The following ICA1 variants were observed in gnomAD, a reference collection of about 807,000 sequenced individuals.
ICA1 encodes 69 kDa islet cell autoantigen.
A neutral mutation model predicts 71.0 loss-of-function variants in ICA1; 40 were observed. The observed-to-expected ratio is 0.56, with a 90% CI of 0.44 to 0.73. ICA1 has a LOEUF of 0.73. Ranked by LOEUF, ICA1 falls within the 30% of genes least tolerant of loss-of-function variation. ICA1 has a pLI of 0.00. For synonymous variants in ICA1, 207 were observed against 209.5 expected (o/e 0.99, Z 0.10); for missense variants, 578 against 576.5 (o/e 1.00, Z -0.03).
chr7:8,153,071 T>G (rs1227780586), intron 8 of ICA1, among the ~76,000 whole-genome samples: 2 of 152,118 alleles, frequency 1.3e-5, no homozygotes, highest in African/African-American at 4.8e-5. Context: ...ACACAAACAC[T>G]GCTACCACTT....
intron 6 of ICA1, among the ~76,000 whole-genome samples, chr7:8,190,114 CCTGT>C (rs760548328): frequency 1.3e-5 from 2 of 152,190 alleles, no homozygotes; most frequent in Non-Finnish European, 2.9e-5. Context: ...CCATGAAGTG[CCTGT>C]CTGACATTCA....
intron 5 of ICA1, chr7:8,218,817 G>A: frequency 4.9e-6 from 2 of 408,282 alleles, no homozygotes; most frequent in Non-Finnish European, 9.3e-6. Context: ...CCAATCCCGT[G>A]TTCATGGAGG....
chr7:8,205,824 A>C (rs1791324717), intron 6 of ICA1, among the ~76,000 whole-genome samples: 1 of 151,372 alleles, frequency 6.6e-6, no homozygotes, highest in Non-Finnish European at 1.5e-5. Flanking sequence ...AAACAGCATG[A>C]ATAAGAAATA....
At chr7:8,209,304 G>C (rs1283757914) in intron 6 of ICA1, among the ~76,000 whole-genome samples, 1 of 152,038 alleles carries the variant, frequency 6.6e-6, no homozygotes, top group Non-Finnish European at 1.5e-5. Flanking sequence ...CAACATATTA[G>C]CATTTATAGT....
chr7:8,155,355 A>T (rs1419741114), intron 8 of ICA1, among the ~76,000 whole-genome samples: 1 of 152,244 alleles, frequency 6.6e-6, no homozygotes, highest in African/African-American at 2.4e-5. Flanking sequence ...TTCTCTGCCC[A>T]GAAATGCTCT....
chr7:8,235,977 A>T lies in ICA1; in HGVS notation c.-51T>A. On this transcript the variant is annotated 5_prime_UTR_variant, in exon 2 of 14. Coordinates refer to ENST00000402384, the MANE Select transcript of ICA1 (RefSeq NM_001136020.3). ...GATTTGGGGAGAAGGGGCAGGAAAA[A>T]AGCATGAGAGGATAAGTTATATTAT... 1 of 1,580,072 alleles carries T rather than the reference A, an allele frequency of 6.3e-7. No homozygotes were observed. The highest frequency in any genetic ancestry group is 8.7e-7 in the Non-Finnish European group (1 of 1,150,808).
chr7:8,158,771 T>C (rs1452024529), intron 6 of ICA1, 119 bp from the exon 7 acceptor site: 2 of 1,021,078 alleles, frequency 2.0e-6, no homozygotes, highest in Non-Finnish European at 2.9e-6. Flanking sequence ...CTTTTGAAAA[T>C]TCCAGACAAA....
chr7:8,235,879 C>T (rs994596779), intron 2 of ICA1, 31 bp downstream of exon 2: 3 of 1,606,470 alleles, frequency 1.9e-6, no homozygotes, highest in Non-Finnish European at 8.5e-7. Context: ...TTTCTACTTT[C>T]CCAATTCAGA....
chr7:8,158,604 T>A lies in ICA1; in HGVS notation c.628A>T (p.Met210Leu), dbSNP rs745618958. The A allele has an allele frequency of 8.1e-6, 13 of 1,614,130 alleles. No individual in the cohort carries two copies. The Admixed American group carries it at 2.0e-4, about 25-fold the overall frequency. The part of the protein sequence containing the change: ...LAKKNFDKLK[M>L]DVCQKVDLLG... The stretch of plus-strand genomic sequence containing the variant: ...AGATCCACTTTTTGACAAACATCCA[T>A]CTTCAATTTGTCAAAGTTTTTTTTT... The change falls in exon 7 of 14, where the codon ATG becomes TTG. Residue 210 changes from methionine (M) to leucine (L), a missense_variant. By Grantham distance (15) the Met-to-Leu change is conservative. Transcript: ENST00000402384.
chr7:8,239,578 C>T (rs754842300), intron 1 of ICA1, among the ~76,000 whole-genome samples: 5 of 152,148 alleles, frequency 3.3e-5, no homozygotes, highest in Non-Finnish European at 5.9e-5. Flanking sequence ...GAGGGTGAGC[C>T]GAAACAGGGC....
intron 6 of ICA1, among the ~76,000 whole-genome samples, chr7:8,172,479 T>C (rs954274310): frequency 6.6e-6 from 1 of 152,174 alleles, no homozygotes; most frequent in Non-Finnish European, 1.5e-5. Context: ...ATTTAAGGTG[T>C]GTGCTATGGA....
At chr7:8,135,093 C>T (rs1792933779) in intron 12 of ICA1, among the ~76,000 whole-genome samples, 1 of 151,990 alleles carries the variant, frequency 6.6e-6, no homozygotes, top group South Asian at 2.1e-4. Flanking sequence ...GTGGTGCAAT[C>T]TCGGTTCACT....
chr7:8,227,862 A>G (rs1583488831), intron 4 of ICA1: 1 of 453,232 alleles, frequency 2.2e-6, no homozygotes, highest in Non-Finnish European at 4.5e-6. Context: ...CTGGGATTAC[A>G]GATGTCAGAC....
At chr7:8,158,212 G>A (rs1802416923) in intron 7 of ICA1, 1 of 277,480 alleles carries the variant, frequency 3.6e-6, no homozygotes, top group Non-Finnish European at 6.8e-6. Context: ...ACTGAAAAAG[G>A]CGTGACATTC....
intron 12 of ICA1, among the ~76,000 whole-genome samples, chr7:8,131,673 G>A (rs749021328): frequency 3.3e-5 from 5 of 152,162 alleles, no homozygotes; most frequent in Non-Finnish European, 7.3e-5. Context: ...TAATTAAGAT[G>A]CTTAAAATTA....
intron 6 of ICA1, among the ~76,000 whole-genome samples, chr7:8,215,496 C>T (rs1795116474): frequency 6.6e-6 from 1 of 152,142 alleles, no homozygotes; most frequent in African/African-American, 2.4e-5. Flanking sequence ...GTTCACCATG[C>T]TGTACTATGT....
chr7:8,178,229 G>C (rs1781177085), intron 6 of ICA1, among the ~76,000 whole-genome samples: 1 of 152,080 alleles, frequency 6.6e-6, no homozygotes, highest in African/African-American at 2.4e-5. Context: ...AATTCAGCTT[G>C]TGCCATACCT....
intron 13 of ICA1, among the ~76,000 whole-genome samples, chr7:8,119,730 T>C (rs1042399518): frequency 2.6e-5 from 4 of 152,156 alleles, no homozygotes; most frequent in East Asian, 3.9e-4. Flanking sequence ...CCTGTAATCC[T>C]AGCTACTCAG....
intron 3 of ICA1, among the ~76,000 whole-genome samples, chr7:8,229,564 T>C (rs114365784): frequency 6.6e-6 from 1 of 152,192 alleles, no homozygotes; most frequent in South Asian, 2.1e-4. Context: ...CCTCTTTCTC[T>C]CTCCTAGTTC....
Sources: allele counts gnomAD v4.1 joint callset (sites outside exome capture counted in the v4.1 genomes callset), GRCh38; gene constraint gnomAD v4.1.1; transcripts MANE v1.5; gene names NCBI Gene and HGNC (gene_info 2026-07-23, HGNC 2026-07-21).